CCDC171: variants seen among roughly 807,000 people sequenced by gnomAD.
CCDC171 encodes coiled-coil domain containing 171.
A neutral mutation model predicts 168.2 loss-of-function variants in CCDC171; 177 were observed. The ratio of observed to expected loss-of-function variants is 1.05; its 90% CI spans 0.93 to 1.19. CCDC171 has a LOEUF of 1.19. Among genes scored for constraint, CCDC171 ranks in the 50% most tolerant of loss-of-function variants. The pLI, the probability that CCDC171 is intolerant of heterozygous loss-of-function variation, is 0.00. For synonymous variants in CCDC171, 687 were observed against 540.8 expected, an observed-to-expected ratio of 1.27 and a Z score of -3.75; for missense variants, 1,991 against 1,539.0, an observed-to-expected ratio of 1.29 and a Z score of -4.91.
chr9:15,633,318 A>T (rs1587605010), intron 7 of CCDC171, among the ~76,000 whole-genome samples: 2 of 152,174 alleles, frequency 1.3e-5, no homozygotes, highest in South Asian at 4.1e-4. Context: ...ACTCAAACAA[A>T]TTTACAAGAA....
At chr9:15,569,121 T>G (rs2039993775) in intron 2 of CCDC171, among the ~76,000 whole-genome samples, 1 of 152,278 alleles carries the variant, frequency 6.6e-6, no homozygotes, top group South Asian at 2.1e-4. Context: ...GAAATTTCCA[T>G]GCATTTAACC....
intron 14 of CCDC171, among the ~76,000 whole-genome samples, chr9:15,725,177 C>G (rs1437203916): frequency 1.3e-5 from 2 of 152,188 alleles, no homozygotes; most frequent in African/African-American, 4.8e-5. Context: ...ACTTGCACAA[C>G]TAATTTTTTT....
intron 21 of CCDC171, among the ~76,000 whole-genome samples, chr9:15,812,345 G>A (rs2059392832): frequency 1.3e-5 from 2 of 152,178 alleles, no homozygotes; most frequent in Non-Finnish European, 2.9e-5. Context: ...AGGGAAACTG[G>A]TAGCGAGGGT....
Position 15,642,321 on chromosome 9 carries a change from A to ATATG in CCDC171, c.823-14803_823-14802insGTAT, listed in dbSNP as rs1269846395. On this transcript the variant is annotated intron_variant, in intron 7 of 25. Coordinates refer to ENST00000380701, the MANE Select transcript of CCDC171 (RefSeq NM_173550.4). ...TATACACATATGTATACACGTATAT[A>ATATG]TATATATACACGTGTGTGTGTGTAT... is the stretch of plus-strand genomic sequence containing the variant. Among the ~76,000 whole-genome samples, 68 of 141,708 alleles carry ATATG rather than the reference A, an allele frequency of 4.8e-4. 1 individual carries two copies. The highest frequency in any genetic ancestry group is 1.7e-3 in the African/African-American group (64 of 37,164). The allele number at this position is 141,708 out of a possible 152,430, so 93.0% of individuals were successfully genotyped here.
chr9:15,962,284 C>G (rs1830420370), intron 25 of CCDC171, among the ~76,000 whole-genome samples: 1 of 152,178 alleles, frequency 6.6e-6, no homozygotes, highest in Non-Finnish European at 1.5e-5. Context: ...AAGTTTATAA[C>G]TGTAAATTTT....
rs1042637408 is a variant in CCDC171, at chr9:15,609,184, C to T, written c.676-14083C>T. 2.0e-4 allele frequency among the ~76,000 whole-genome samples: 30 copies of T among 151,566 alleles called. 2 individuals carry two copies. Among genetic ancestry groups the T allele is most frequent in the Non-Finnish European group, 2.9e-5 (2 of 67,934 alleles). ...GTGTGATCTTGGCTCACTGCAACCTCCGCCTCCCGGGTTCAAGCGATTCTC... is the reference window on the plus strand; with the variant it reads ...GTGTGATCTTGGCTCACTGCAACCTTCGCCTCCCGGGTTCAAGCGATTCTC... On this transcript the variant is annotated intron_variant, in intron 6 of 25. Transcript: ENST00000380701.
chr9:16,084,022 T>G, the CCDC171 span, among the ~76,000 whole-genome samples: 1 of 152,206 alleles, frequency 6.6e-6, no homozygotes, highest in Non-Finnish European at 1.5e-5. Flanking sequence ...TTTTTCTACT[T>G]GAGTTACTCT....
rs1315063517 is a variant in CCDC171 at position 15,793,714 on chromosome 9, T to C, written c.3267+9020T>C. ...ACAGGCACACACCACAACACCTGGC[T>C]AAGTTTTATATTTTTATTAGGACAG... On this transcript the variant is annotated intron_variant, in intron 21 of 25. Transcript: ENST00000380701. Among the ~76,000 whole-genome samples, 3 of 151,890 alleles carry C rather than the reference T, an allele frequency of 2.0e-5. No individual in the cohort carries two copies. In the East Asian group the frequency reaches 5.8e-4, roughly 29 times the overall value.
intron 7 of CCDC171, among the ~76,000 whole-genome samples, chr9:15,643,943 A>T (rs533361407): frequency 1.3e-5 from 2 of 152,142 alleles, no homozygotes; most frequent in Non-Finnish European, 2.9e-5. Context: ...ATTCCATTCT[A>T]TGGATTCACA....
chr9:15,939,702 A>G (rs1459857102), intron 25 of CCDC171, among the ~76,000 whole-genome samples: 2 of 151,854 alleles, frequency 1.3e-5, no homozygotes, highest in Admixed American at 1.3e-4. Context: ...CTTTACTTTT[A>G]TGTCATTTAG....
At chr9:15,868,893 G>C (rs2061906879) in intron 23 of CCDC171, among the ~76,000 whole-genome samples, 1 of 151,826 alleles carries the variant, frequency 6.6e-6, no homozygotes, top group Non-Finnish European at 1.5e-5. Context: ...AACCTTCTGT[G>C]GATACCAATA....
At chr9:15,708,998 A>T (rs545928804) in intron 11 of CCDC171, among the ~76,000 whole-genome samples, 1 of 152,280 alleles carries the variant, frequency 6.6e-6, no homozygotes, top group South Asian at 2.1e-4. Context: ...AACTAAATAG[A>T]ATTTGTGAAA....
intron 8 of CCDC171, among the ~76,000 whole-genome samples, chr9:15,661,296 A>AAAAAAAAAAAAAAAAC (rs1564160074): frequency 1.4e-5 from 2 of 141,500 alleles, no homozygotes; most frequent in Non-Finnish European, 1.5e-5. Context: ...AAAAAAAAAA[A>AAAAAAAAAAAAAAAAC]AAAAGTAACA....
chr9:16,034,982 G>C (rs1833435826), intron 6 of CCDC171, among the ~76,000 whole-genome samples: 1 of 152,168 alleles, frequency 6.6e-6, no homozygotes, highest in Non-Finnish European at 1.5e-5. Flanking sequence ...GTTCCAAATT[G>C]AGTCTGCCAG....
the CCDC171 span, among the ~76,000 whole-genome samples, chr9:16,093,624 C>A: frequency 6.6e-6 from 1 of 152,176 alleles, no homozygotes; most frequent in Non-Finnish European, 1.5e-5. Flanking sequence ...TCTGATGTTG[C>A]CCACTGTTTC....
intron 6 of CCDC171, among the ~76,000 whole-genome samples, chr9:15,602,449 C>T (rs1015574263): frequency 2.4e-4 from 37 of 151,972 alleles, no homozygotes; most frequent in African/African-American, 8.7e-4. Flanking sequence ...ATATTTCTCT[C>T]ATCTGGGCTT....
intron 25 of CCDC171, among the ~76,000 whole-genome samples, chr9:15,937,935 T>G (rs181928363): frequency 9.7e-4 from 148 of 151,876 alleles, no homozygotes; most frequent in African/African-American, 3.4e-3. Flanking sequence ...AATGGATGGG[T>G]GAAGAGATGG....
intron 6 of CCDC171, among the ~76,000 whole-genome samples, chr9:16,026,583 G>C (rs187540030): frequency 9.3e-4 from 142 of 152,288 alleles, no homozygotes; most frequent in African/African-American, 3.3e-3. Flanking sequence ...TTGCTCATCA[G>C]TTGATAATGG....
At chr9:15,761,575 T>C (rs868697207) in intron 18 of CCDC171, among the ~76,000 whole-genome samples, 1 of 152,220 alleles carries the variant, frequency 6.6e-6, no homozygotes, top group Non-Finnish European at 1.5e-5. Flanking sequence ...GTGACTAATA[T>C]GCACAGTAAA....
Sources: gnomAD v4.1 joint callset for allele counts (sites outside exome capture counted in the v4.1 genomes callset) on GRCh38, gnomAD v4.1.1 for gene constraint, MANE v1.5 for transcripts, NCBI Gene and HGNC (gene_info 2026-07-23, HGNC 2026-07-21) for gene names.